The following CCSER1 variants were observed in gnomAD, a reference collection of about 807,000 sequenced individuals.
The protein encoded by CCSER1 is coiled-coil serine rich protein 1, also known as serine-rich coiled-coil domain-containing protein 1.
Under a neutral mutation model 82.0 loss-of-function variants are expected in CCSER1, and 41 were observed. The observed-to-expected ratio is 0.50, with a 90% CI of 0.39 to 0.65. The LOEUF (loss-of-function observed/expected upper bound fraction) is 0.65. CCSER1 is among the 30% of genes least tolerant of loss of function. The pLI is 0.00. For missense variants in CCSER1, 1,119 were observed against 1,064.2 expected, an observed-to-expected ratio of 1.05 and a Z score of -0.72; for synonymous variants, 414 against 383.9, an observed-to-expected ratio of 1.08 and a Z score of -0.92.
At chr4:91,590,760 G>T (rs1037006746) in intron 10 of CCSER1, among the ~76,000 whole-genome samples, 16 of 151,238 alleles carry the variant, frequency 1.1e-4, no homozygotes, top group African/African-American at 3.9e-4. Flanking sequence ...TAAAGGAGAT[G>T]ATATTTTTTA....
chr4:91,218,975 G>A (rs1203892831), intron 10 of CCSER1, among the ~76,000 whole-genome samples: 1 of 152,152 alleles, frequency 6.6e-6, no homozygotes, highest in Non-Finnish European at 1.5e-5. Flanking sequence ...ACCTGATTAA[G>A]TATTAAACAT....
chr4:90,557,082 G>T (rs1437868413), intron 5 of CCSER1, among the ~76,000 whole-genome samples: 6 of 151,592 alleles, frequency 4.0e-5, no homozygotes, highest in Admixed American at 3.9e-4. Context: ...TATATTAATT[G>T]TATCCCTTCC....
chr4:91,562,879 C>T (rs1347032004), intron 10 of CCSER1, among the ~76,000 whole-genome samples: 1 of 151,508 alleles, frequency 6.6e-6, no homozygotes, highest in Non-Finnish European at 1.5e-5. Context: ...AGACAAATTA[C>T]ATAAAGACGT....
At chr4:90,647,736 A>C (rs746258553) in intron 6 of CCSER1, among the ~76,000 whole-genome samples, 1 of 152,176 alleles carries the variant, frequency 6.6e-6, no homozygotes, top group Non-Finnish European at 1.5e-5. Flanking sequence ...CAAATTCCAA[A>C]AATAGTTTAT....
chr4:91,498,220 A>T (rs909579970), intron 10 of CCSER1, among the ~76,000 whole-genome samples: 1 of 152,032 alleles, frequency 6.6e-6, no homozygotes, highest in African/African-American at 2.4e-5. Flanking sequence ...GAAAATCAGT[A>T]AAAGAAAATT....
chr4:90,514,612 TG>T (rs1184490533), intron 5 of CCSER1, among the ~76,000 whole-genome samples: 1 of 151,864 alleles, frequency 6.6e-6, no homozygotes, highest in African/African-American at 2.4e-5. Flanking sequence ...AAAAATTAGC[TG>T]GGCATGGTGG....
chr4:90,234,459 C>T (rs552272088), intron 1 of CCSER1, among the ~76,000 whole-genome samples: 15 of 152,234 alleles, frequency 9.9e-5, no homozygotes, highest in East Asian at 1.9e-4. Flanking sequence ...TCAGATGATC[C>T]GCCCGCCTTG....
chr4:90,426,320 A>G (rs960065707), intron 4 of CCSER1, among the ~76,000 whole-genome samples: 1 of 152,232 alleles, frequency 6.6e-6, no homozygotes, highest in Non-Finnish European at 1.5e-5. Flanking sequence ...ATATTTGTCC[A>G]TGAGGAAGAA....
At chr4:91,305,255 T>C (rs142747660) in intron 10 of CCSER1, among the ~76,000 whole-genome samples, 3 of 152,002 alleles carry the variant, frequency 2.0e-5, no homozygotes, top group South Asian at 4.1e-4. Context: ...TTTTATAAAA[T>C]GCAAAAAAAA....
At chr4:90,446,344 A>G (rs1470555129) in intron 4 of CCSER1, among the ~76,000 whole-genome samples, 3 of 152,202 alleles carry the variant, frequency 2.0e-5, no homozygotes, top group South Asian at 4.1e-4. Flanking sequence ...TGTAGATTAT[A>G]TGACTGTTCA....
At chr4:91,132,570 C>A (rs1728089610) in intron 10 of CCSER1, among the ~76,000 whole-genome samples, 1 of 152,166 alleles carries the variant, frequency 6.6e-6, no homozygotes, top group Non-Finnish European at 1.5e-5. Flanking sequence ...AAGCTCTCTG[C>A]TGGTTGCAAT....
At chr4:90,348,124 G>A (rs953455971) in intron 3 of CCSER1, among the ~76,000 whole-genome samples, 1 of 152,112 alleles carries the variant, frequency 6.6e-6, no homozygotes, top group Non-Finnish European at 1.5e-5. Flanking sequence ...GGAGGCTGGA[G>A]GGTGGGAGGA....
intron 10 of CCSER1, among the ~76,000 whole-genome samples, chr4:91,091,877 T>TG (rs1481849675): frequency 6.6e-6 from 1 of 152,242 alleles, no homozygotes; most frequent in African/African-American, 2.4e-5. Flanking sequence ...ATAAGCTGAC[T>TG]GAGCACCTCT....
At chr4:90,718,977 T>A (rs530035744) in intron 6 of CCSER1, among the ~76,000 whole-genome samples, 1 of 152,264 alleles carries the variant, frequency 6.6e-6, no homozygotes, top group East Asian at 1.9e-4. Flanking sequence ...TTAACAGTTT[T>A]CCTTAATGTC....
intron 10 of CCSER1, among the ~76,000 whole-genome samples, chr4:91,167,327 A>C (rs967897298): frequency 1.3e-5 from 2 of 151,754 alleles, no homozygotes; most frequent in African/African-American, 4.8e-5. Context: ...CTGGGATTAC[A>C]AGTGCCTGCC....
intron 6 of CCSER1, among the ~76,000 whole-genome samples, chr4:90,675,471 G>A (rs1358327523): frequency 6.6e-6 from 1 of 151,636 alleles, no homozygotes; most frequent in Non-Finnish European, 1.5e-5. Context: ...AATCAAATTG[G>A]TATTTTTTGT....
At chr4:91,160,535 C>T (rs1731279375) in intron 10 of CCSER1, among the ~76,000 whole-genome samples, 1 of 152,342 alleles carries the variant, frequency 6.6e-6, no homozygotes, top group Non-Finnish European at 1.5e-5. Flanking sequence ...GTTCCTATTT[C>T]TCCACATCCT....
intron 5 of CCSER1, among the ~76,000 whole-genome samples, chr4:90,479,565 C>A (rs1765611532): frequency 6.6e-6 from 1 of 151,910 alleles, no homozygotes; most frequent in Non-Finnish European, 1.5e-5. Context: ...AGTAATGTTC[C>A]CCTTCCTCTG....
intron 10 of CCSER1, among the ~76,000 whole-genome samples, chr4:91,312,682 A>G (rs904454761): frequency 6.6e-6 from 1 of 151,884 alleles, no homozygotes; most frequent in Non-Finnish European, 1.5e-5. Flanking sequence ...CTCTTCACCC[A>G]TGTTTAACTT....
Sources: gnomAD v4.1 joint callset for allele counts (sites outside exome capture counted in the v4.1 genomes callset) on GRCh38, gnomAD v4.1.1 for gene constraint, MANE v1.5 for transcripts, NCBI Gene and HGNC (gene_info 2026-07-23, HGNC 2026-07-21) for gene names.